Variants in MEMO1 observed in about 807,000 individuals in gnomAD.
MEMO1 encodes protein MEMO1.
A neutral mutation model predicts 45.2 loss-of-function variants in MEMO1; 6 were observed. The ratio of observed to expected loss-of-function variants is 0.13; its 90% CI spans 0.07 to 0.26. The LOEUF (loss-of-function observed/expected upper bound fraction) is 0.26, where lower values mean the gene tolerates loss of function less well. MEMO1 is among the 10% of genes least tolerant of loss of function. The probability of loss-of-function intolerance (pLI) is 1.00; values close to 1 mark genes in which losing one functional copy is unlikely to be tolerated. For synonymous variants in MEMO1, 78 were observed against 124.3 expected, an observed-to-expected ratio of 0.63 and a Z score of 2.48; for missense variants, 184 against 370.5, an observed-to-expected ratio of 0.50 and a Z score of 4.13.
chr2:31,885,348 G>A (rs1484372770), intron 7 of MEMO1, among the ~76,000 whole-genome samples: 1 of 152,138 alleles, frequency 6.6e-6, no homozygotes, highest in Non-Finnish European at 1.5e-5. Flanking sequence ...TCAAACTCCT[G>A]ACCTAAAGTG....
At chr2:31,872,689 G>T (rs1673957517) in intron 8 of MEMO1, among the ~76,000 whole-genome samples, 1 of 152,154 alleles carries the variant, frequency 6.6e-6, no homozygotes. Flanking sequence ...AAATTGAGAT[G>T]ATGGGAGTTA....
chr2:31,888,421 A>G (rs1181890330), intron 7 of MEMO1, among the ~76,000 whole-genome samples: 2 of 152,198 alleles, frequency 1.3e-5, no homozygotes, highest in South Asian at 2.1e-4. Context: ...TATAAATTTC[A>G]GGAAGGTCAG....
At chr2:31,923,798 T>A in intron 4 of MEMO1, 1 of 1,482,978 alleles carries the variant, frequency 6.7e-7, no homozygotes, top group South Asian at 1.4e-5. Context: ...AAGGCATACA[T>A]AAATTTCCTA....
At chr2:31,990,805 A>G (rs1439914824) in intron 2 of MEMO1, among the ~76,000 whole-genome samples, 2 of 152,146 alleles carry the variant, frequency 1.3e-5, no homozygotes, top group Non-Finnish European at 2.9e-5. Context: ...AGGGCTATCA[A>G]TAATTTTGAA....
At chr2:31,937,029 G>C (rs1455380046) in intron 3 of MEMO1, among the ~76,000 whole-genome samples, 2 of 152,310 alleles carry the variant, frequency 1.3e-5, no homozygotes, top group South Asian at 4.1e-4. Flanking sequence ...AAACTCCTCT[G>C]AACAGATGGG....
intron 2 of MEMO1, among the ~76,000 whole-genome samples, chr2:31,999,936 C>T (rs1295532848): frequency 2.1e-5 from 3 of 145,864 alleles, no homozygotes; most frequent in Admixed American, 7.0e-5. Context: ...CAGGCTGGAG[C>T]GTAGTGGTGA....
At chr2:31,989,341 T>C (rs1486470996) in intron 2 of MEMO1, among the ~76,000 whole-genome samples, 2 of 152,174 alleles carry the variant, frequency 1.3e-5, no homozygotes, top group African/African-American at 4.8e-5. Context: ...CAAAACATAG[T>C]TTCTACCACT....
At chr2:31,933,350 TTTA>T (rs1664496982) in intron 3 of MEMO1, among the ~76,000 whole-genome samples, 1 of 12,242 alleles carries the variant, frequency 8.2e-5, no homozygotes, top group African/African-American at 3.3e-4. Flanking sequence ...AAAAAAAAAA[TTTA>T]TATATATATA....
chr2:31,962,611 T>A (rs1025083527), intron 2 of MEMO1, among the ~76,000 whole-genome samples: 3 of 152,148 alleles, frequency 2.0e-5, no homozygotes, highest in African/African-American at 7.2e-5. Context: ...GATAATGTAA[T>A]CACTTTTAAG....
Position 31,959,574 on chromosome 2 carries a change from G to A in MEMO1, c.62-16191C>T, listed in dbSNP as rs572731089. ...GAGCCTTTGAGCAGTTATTTTTCAG[G>A]GGTTGCAGGTAAAAGTTGCATTTAC... On this transcript the variant is annotated intron_variant, in intron 2 of 9. Coordinates refer to ENST00000404530, the MANE Select transcript of MEMO1 (RefSeq NM_001301833.4). Among the ~76,000 whole-genome samples the A allele has an allele frequency of 2.6e-5, 4 of 151,998 alleles. No individual in the cohort carries two copies. The South Asian group carries it at 8.3e-4, about 32-fold the overall frequency.
chr2:31,909,559 G>A (rs1680262693), intron 6 of MEMO1, among the ~76,000 whole-genome samples: 1 of 152,084 alleles, frequency 6.6e-6, no homozygotes, highest in African/African-American at 2.4e-5. Context: ...AACCAAAGAA[G>A]TGTAAGAGCT....
intron 2 of MEMO1, among the ~76,000 whole-genome samples, chr2:31,989,990 C>T (rs1439988942): frequency 6.6e-6 from 1 of 152,104 alleles, no homozygotes; most frequent in African/African-American, 2.4e-5. Context: ...TGGTGGTATA[C>T]ACCTATAGTC....
At chr2:31,973,285 C>G (rs1407195245) in intron 2 of MEMO1, among the ~76,000 whole-genome samples, 2 of 152,086 alleles carry the variant, frequency 1.3e-5, no homozygotes, top group Non-Finnish European at 2.9e-5. Context: ...GAAACCCCGT[C>G]TCTACTAAAA....
intron 2 of MEMO1, among the ~76,000 whole-genome samples, chr2:31,955,465 C>T (rs1335289439): frequency 6.6e-6 from 1 of 152,114 alleles, no homozygotes; most frequent in Non-Finnish European, 1.5e-5. Flanking sequence ...TTCCAAATAA[C>T]ACTGATAAGG....
intron 6 of MEMO1, among the ~76,000 whole-genome samples, chr2:31,898,810 G>A (rs1260069981): frequency 6.6e-6 from 1 of 152,108 alleles, no homozygotes; most frequent in African/African-American, 2.4e-5. Context: ...TTGATAATGG[G>A]GCGGTAAGTC....
chr2:32,005,886 A>G (rs903614581), intron 2 of MEMO1, among the ~76,000 whole-genome samples: 1 of 152,220 alleles, frequency 6.6e-6, no homozygotes, highest in African/African-American at 2.4e-5. Context: ...AGGTAACATC[A>G]AAAACCACAT....
chr2:31,930,891 T>G (rs1482236017), intron 4 of MEMO1, among the ~76,000 whole-genome samples: 1 of 149,312 alleles, frequency 6.7e-6, no homozygotes, highest in Non-Finnish European at 1.5e-5. Flanking sequence ...ACTCCTGACC[T>G]CAGGTAATCG....
At chr2:31,926,105 G>A (rs1386045368) in intron 4 of MEMO1, among the ~76,000 whole-genome samples, 2 of 152,162 alleles carry the variant, frequency 1.3e-5, no homozygotes. Flanking sequence ...GGTGGTTCAT[G>A]CCTGTAATCT....
At chr2:31,933,365 A>G (rs867135921) in intron 3 of MEMO1, among the ~76,000 whole-genome samples, 1 of 119,618 alleles carries the variant, frequency 8.4e-6, no homozygotes, top group Non-Finnish European at 1.7e-5. Context: ...ATATATATAT[A>G]TATATATATA....
Sources: allele counts gnomAD v4.1 joint callset (sites outside exome capture counted in the v4.1 genomes callset), GRCh38; gene constraint gnomAD v4.1.1; transcripts MANE v1.5; gene names NCBI Gene and HGNC (gene_info 2026-07-23, HGNC 2026-07-21).